Variants in DTHD1 observed in about 807,000 individuals in gnomAD.
DTHD1 encodes the protein death domain containing 1.
DTHD1 carries 59 observed loss-of-function variants against 74.8 expected under a neutral mutation model. That is an observed-to-expected ratio of 0.79 (90% CI 0.64 to 0.98). DTHD1 has a LOEUF of 0.98. Among genes scored for constraint, DTHD1 ranks in the 50% least tolerant of loss-of-function variants. DTHD1 has a pLI of 0.00. For missense variants in DTHD1, 1,051 were observed against 1,065.4 expected (o/e 0.99, Z 0.19); for synonymous variants, 365 against 371.1 (o/e 0.98, Z 0.19).
Position 36,307,983 on chromosome 4 carries a change from G to A in DTHD1, c.1806-221G>A, listed in dbSNP as rs538454404. Reference sequence around the variant, plus strand: ...CCATGGCCTCCCAAAGTGCTGGGACGCCTCCCAAGTGGCATGAGCCACTGT... The same window carrying A: ...CCATGGCCTCCCAAAGTGCTGGGACACCTCCCAAGTGGCATGAGCCACTGT... On this transcript the variant is annotated intron_variant, in intron 6 of 9. Transcript: ENST00000639862. Among the ~76,000 whole-genome samples the A allele has an allele frequency of 3.9e-5, 6 of 152,188 alleles. No homozygotes were observed. The South Asian group carries it at 8.3e-4, about 21-fold the overall frequency.
At chr4:36,299,281 G>T (rs1314284900) in intron 5 of DTHD1, among the ~76,000 whole-genome samples, 1 of 152,104 alleles carries the variant, frequency 6.6e-6, no homozygotes, top group African/African-American at 2.4e-5. Context: ...CATCGTCTTT[G>T]GAGACCACCT....
At chr4:36,333,503 G>T (rs546271458) in intron 8 of DTHD1, 2 of 152,242 alleles carry the variant, frequency 1.3e-5, no homozygotes, top group East Asian at 3.9e-4. Flanking sequence ...CACACACCGG[G>T]AGAGCTTAGG....
At chr4:36,312,929 C>T (rs1757487740) in intron 7 of DTHD1, among the ~76,000 whole-genome samples, 1 of 152,176 alleles carries the variant, frequency 6.6e-6, no homozygotes, top group Non-Finnish European at 1.5e-5. Flanking sequence ...GCAAGGAGAT[C>T]AGTTACTGTT....
At chr4:36,324,136 C>CA (rs200002957) in intron 8 of DTHD1, among the ~76,000 whole-genome samples, 5,127 of 151,780 alleles carry the variant, frequency 0.034, 141 homozygotes, top group South Asian at 0.13. Flanking sequence ...TTCCCTTCTC[C>CA]TCCCCCCCAT....
At chr4:36,330,016 A>G (rs1335136239) in intron 8 of DTHD1, among the ~76,000 whole-genome samples, 1 of 152,258 alleles carries the variant, frequency 6.6e-6, no homozygotes, top group African/African-American at 2.4e-5. Context: ...TTAAAACTAT[A>G]TTAAGTAATA....
chr4:36,297,615 G>T (rs947901876), intron 5 of DTHD1, among the ~76,000 whole-genome samples: 1 of 152,134 alleles, frequency 6.6e-6, no homozygotes, highest in East Asian at 1.9e-4. Flanking sequence ...ACCAGAGAGT[G>T]TTATGCCTCT....
intron 5 of DTHD1, among the ~76,000 whole-genome samples, chr4:36,297,485 GTTC>G (rs1423360964): frequency 6.6e-6 from 1 of 151,906 alleles, no homozygotes; most frequent in Non-Finnish European, 1.5e-5. Context: ...ATAAATATCA[GTTC>G]TTCTTCTCCC....
rs1172554394 is a variant in DTHD1 at position 36,345,409 on chromosome 4, A to T, written c.*1585A>T. The stretch of plus-strand genomic sequence containing the variant: ...CAAAAACCATTAGGTCGTTGGCTTG[A>T]AAACATCGGTAGCAATTAGTTTCAG... On this transcript the variant is annotated 3_prime_UTR_variant, in exon 10 of 10. Coordinates refer to ENST00000639862, the MANE Select transcript of DTHD1 (RefSeq NM_001170700.3). 2 of 152,202 alleles carry T rather than the reference A, an allele frequency of 1.3e-5. No homozygotes were observed. Among genetic ancestry groups the T allele is most frequent in the Non-Finnish European group, 2.9e-5 (2 of 68,036 alleles). 9.4% of individuals were successfully genotyped at this position (152,202 alleles called of 1,614,324 possible).
intron 5 of DTHD1, among the ~76,000 whole-genome samples, chr4:36,296,395 C>T (rs1035148432): frequency 2.0e-5 from 3 of 151,858 alleles, no homozygotes; most frequent in African/African-American, 7.3e-5. Flanking sequence ...AAGTATTATT[C>T]TTATTTTTAA....
At position 36,308,229 on chromosome 4, in the gene DTHD1, A is replaced by G; in HGVS notation, c.1831A>G (p.Thr611Ala). ...GTTTATTGTACTTCACCTCTCTTCC[A>G]CCATGGACAATAGTCATTTGGTTAC... The part of the protein sequence containing the change: ...ERFIVLHLSS[T>A]MDNSHLVTFV... The change falls in exon 7 of 10, where the codon ACC (threonine) becomes GCC (alanine). Residue 611 changes from threonine (T) to alanine (A), a missense_variant. Thr to Ala is a moderately conservative substitution (Grantham distance 58, BLOSUM62 0). Transcript: ENST00000639862. 6.4e-7 allele frequency: 1 copy of G among 1,552,236 alleles called. No individual in the cohort carries two copies. Among genetic ancestry groups the G allele is most frequent in the Middle Eastern group, 1.7e-4 (1 of 5,998 alleles).
At chr4:36,340,507 G>A (rs1043002681) in intron 9 of DTHD1, among the ~76,000 whole-genome samples, 22 of 152,196 alleles carry the variant, frequency 1.4e-4, no homozygotes, top group Non-Finnish European at 2.4e-4. Flanking sequence ...TTTGAAAAAT[G>A]TGAAGAACAT....
intron 8 of DTHD1, among the ~76,000 whole-genome samples, chr4:36,334,823 G>C (rs187059811): frequency 3.3e-5 from 5 of 152,314 alleles, no homozygotes; most frequent in Admixed American, 3.3e-4. Flanking sequence ...TTGCTGTGCA[G>C]ATTGTGTGAA....
In DTHD1 at chr4:36,307,170, C is replaced by G. The variant is rs191311128; in HGVS notation, c.1805+818C>G. 5.9e-5 allele frequency among the ~76,000 whole-genome samples: 9 copies of G among 152,290 alleles called. No homozygotes were observed. In the East Asian group the frequency reaches 1.7e-3, roughly 29 times the overall value. On this transcript the variant is annotated intron_variant, in intron 6 of 9. Transcript: ENST00000639862. Reference sequence around the variant, plus strand: ...AGAATTTGAGAATGGGTAGCCCAGTCCAGGGAAAGAGGTCTGTATTAGTTT... The same window carrying G: ...AGAATTTGAGAATGGGTAGCCCAGTGCAGGGAAAGAGGTCTGTATTAGTTT...
intron 5 of DTHD1, among the ~76,000 whole-genome samples, chr4:36,296,258 T>TTTTTG (rs1201670947): frequency 6.6e-6 from 1 of 152,164 alleles, no homozygotes; most frequent in Non-Finnish European, 1.5e-5. Context: ...AGTCATTTTG[T>TTTTTG]TTTTGTTTTG....
chr4:36,342,585 A>G lies in DTHD1; in HGVS notation c.2399-917A>G, dbSNP rs113652682. ...GAGTCAACAGAGGACGGCCCAGTGG[A>G]AAGTGTTGGTGTAAAGGATCTTCCA... On this transcript the variant is annotated intron_variant, in intron 9 of 9. Coordinates refer to ENST00000639862, the MANE Select transcript of DTHD1 (RefSeq NM_001170700.3). Among the ~76,000 whole-genome samples the G allele has an allele frequency of 5.0e-3, 763 of 152,150 alleles. 7 individuals are homozygous for G. Among genetic ancestry groups the G allele is most frequent in the African/African-American group, 0.017 (715 of 41,516 alleles).
intron 9 of DTHD1, among the ~76,000 whole-genome samples, chr4:36,342,918 C>CAAAAAAAA (rs55956868): frequency 7.2e-5 from 7 of 96,976 alleles, no homozygotes; most frequent in Non-Finnish European, 8.3e-5. Flanking sequence ...ACTAAAAATA[C>CAAAAAAAA]AAAAAAAAAA....
chr4:36,311,880 A>C (rs1213293551), intron 7 of DTHD1: 1 of 152,256 alleles, frequency 6.6e-6, no homozygotes, highest in Non-Finnish European at 1.5e-5. Context: ...TGCAATTAAA[A>C]GTATTTAAAA....
intron 5 of DTHD1, 42 bp downstream of exon 5, chr4:36,295,081 CAAA>C: frequency 6.9e-7 from 1 of 1,457,362 alleles, no homozygotes; most frequent in Non-Finnish European, 9.1e-7. Flanking sequence ...TAATGTCAAA[CAAA>C]GAAGCTTAGA....
intron 8 of DTHD1, among the ~76,000 whole-genome samples, chr4:36,325,784 G>A (rs575100628): frequency 2.0e-5 from 3 of 152,302 alleles, no homozygotes; most frequent in Admixed American, 2.0e-4. Flanking sequence ...TACTTTGGAA[G>A]TGTTGTTTAA....
Sources: gnomAD v4.1 joint callset for allele counts (sites outside exome capture counted in the v4.1 genomes callset) on GRCh38, gnomAD v4.1.1 for gene constraint, MANE v1.5 for transcripts, NCBI Gene and HGNC (gene_info 2026-07-23, HGNC 2026-07-21) for gene names.